The following P2RY12 variants were observed in gnomAD, a reference collection of about 807,000 sequenced individuals.
P2RY12 encodes the protein purinergic receptor P2Y12.
In P2RY12, 3 loss-of-function variants were observed where a neutral mutation model predicts 4.5. That is an observed-to-expected ratio of 0.67 (90% CI 0.31 to 1.74). P2RY12 has a LOEUF of 1.74. Ranked by LOEUF, P2RY12 falls within the 40% of genes most tolerant of loss-of-function variation. The probability of loss-of-function intolerance (pLI) is 0.09; values close to 1 mark genes in which losing one functional copy is unlikely to be tolerated. For synonymous variants in P2RY12, 148 were observed against 154.1 expected, an observed-to-expected ratio of 0.96 and a Z score of 0.29; for missense variants, 356 against 407.8, an observed-to-expected ratio of 0.87 and a Z score of 1.09.
intron 1 of P2RY12, among the ~76,000 whole-genome samples, chr3:151,342,942 A>T (rs1752056384): frequency 6.6e-6 from 1 of 152,166 alleles, no homozygotes; most frequent in African/African-American, 2.4e-5. Context: ...CATTCTCTGG[A>T]TGAGGGGAAC....
chr3:151,368,709 C>T (rs1175508416), intron 1 of P2RY12, among the ~76,000 whole-genome samples: 15 of 44,278 alleles, frequency 3.4e-4, no homozygotes, highest in South Asian at 2.2e-3. Context: ...CATTTCATTT[C>T]ATTTCATTTC....
At chr3:151,380,211 A>G in intron 1 of P2RY12, 1 of 1,599,622 alleles carries the variant, frequency 6.3e-7, no homozygotes, top group Non-Finnish European at 8.5e-7. Context: ...TCTCTCCAGA[A>G]TCAAGTTAAC....
chr3:151,337,582 T>C lies in P2RY12; in HGVS notation c.*235A>G, dbSNP rs1345331213. ...TGTAGTTTTGCATGCAGCATGACAA[T>C]TGGATGTCGTTTGTTTTGCTGCTAA... On this transcript the variant is annotated 3_prime_UTR_variant, in exon 3 of 3. Coordinates refer to ENST00000302632, the MANE Select transcript of P2RY12 (RefSeq NM_022788.5). The C allele has an allele frequency of 2.0e-6, 1 of 492,328 alleles. No homozygotes were observed. Among genetic ancestry groups the C allele is most frequent in the Non-Finnish European group, 3.6e-6 (1 of 279,640 alleles). 30.5% of individuals were successfully genotyped at this position (492,328 alleles called of 1,614,324 possible).
chr3:151,352,275 T>C lies in P2RY12; in HGVS notation c.-179-11515A>G, dbSNP rs111793641. On this transcript the variant is annotated intron_variant, in intron 1 of 2. Transcript: ENST00000302632. ...TTATGTCTGCACTCAAAGTTTCATA[T>C]TTTGGAGAATTTCAGATTTTGGATT... 1.1e-4 allele frequency among the ~76,000 whole-genome samples: 16 copies of C among 152,358 alleles called. 2 individuals are homozygous for C. Among genetic ancestry groups the C allele is most frequent in the African/African-American group, 3.8e-4 (16 of 41,582 alleles).
chr3:151,383,555 C>T (rs899501832), intron 1 of P2RY12, among the ~76,000 whole-genome samples: 3 of 152,154 alleles, frequency 2.0e-5, no homozygotes, highest in Non-Finnish European at 2.9e-5. Context: ...CAGATACTCA[C>T]GTCCCTTCTT....
chr3:151,350,256 C>G (rs1753056072), intron 1 of P2RY12: 1 of 1,582,616 alleles, frequency 6.3e-7, no homozygotes. Flanking sequence ...TTTGCCTTCC[C>G]TCTGAGCACA....
At chr3:151,365,299 C>A in intron 1 of P2RY12, 1 of 1,019,486 alleles carries the variant, frequency 9.8e-7, no homozygotes, top group Non-Finnish European at 1.5e-6. Context: ...TGTCTGGACT[C>A]ACATTTGGCT....
At chr3:151,375,949 CT>C in intron 1 of P2RY12, 1 of 626,654 alleles carries the variant, frequency 1.6e-6, no homozygotes, top group South Asian at 5.3e-5. Context: ...CAATTATGCA[CT>C]GTGGATTTAG....
chr3:151,366,939 T>A (rs894612021), intron 1 of P2RY12, among the ~76,000 whole-genome samples: 1 of 152,188 alleles, frequency 6.6e-6, no homozygotes, highest in Non-Finnish European at 1.5e-5. Context: ...GTGAACCTTA[T>A]GGTGGTGTGC....
rs1577500547 is a variant in P2RY12 at position 151,378,634 on chromosome 3, A to G, written c.-180+6058T>C. Among the ~76,000 whole-genome samples, 3 of 152,136 alleles carry G rather than the reference A, an allele frequency of 2.0e-5. No homozygotes were observed. In the South Asian group the frequency reaches 6.2e-4, roughly 31 times the overall value. ...GACTAGACATTAAGACTCCTCGGCCACCACAACTAATGTTTTCTTAATTTA... is the reference window on the plus strand; with the variant it reads ...GACTAGACATTAAGACTCCTCGGCCGCCACAACTAATGTTTTCTTAATTTA... On this transcript the variant is annotated intron_variant, in intron 1 of 2. Transcript: ENST00000302632.
At position 151,338,253 on chromosome 3, in the gene P2RY12, A is replaced by G. The variant is rs1751299273; in HGVS notation, c.593T>C (p.Phe198Ser). Residue 198 changes from phenylalanine (F) to serine (S), a missense_variant, in exon 3 of 3, where the codon TTC becomes TCC. Physicochemically the swap from Phe to Ser is radical, Grantham distance 155. Coordinates refer to ENST00000302632, the MANE Select transcript of P2RY12 (RefSeq NM_022788.5). ...EIVNYICQVI[F>S]WINFLIVIVC... ...AATAACAATTAAGAAATTAATCCAG[A>G]AAATGACTTGACAGATGTAATTTAC... 1 of 1,613,978 alleles carries G rather than the reference A, an allele frequency of 6.2e-7. No homozygotes were observed. The highest frequency in any genetic ancestry group is 1.7e-5 in the Admixed American group (1 of 59,986).
chr3:151,383,810 G>A (rs1329688975), intron 1 of P2RY12: 2 of 1,613,880 alleles, frequency 1.2e-6, no homozygotes, highest in Non-Finnish European at 1.7e-6. Flanking sequence ...GTGCAGAGGA[G>A]CACCCAGTGG....
intron 1 of P2RY12, chr3:151,357,251 C>T (rs139296837): frequency 1.2e-6 from 2 of 1,613,320 alleles, no homozygotes; most frequent in Admixed American, 1.7e-5. Flanking sequence ...CTGAACTGCT[C>T]CTAAAATCCT....
intron 1 of P2RY12, among the ~76,000 whole-genome samples, chr3:151,357,672 C>T (rs1396328874): frequency 6.6e-6 from 1 of 152,170 alleles, no homozygotes. Context: ...GGCCAGCATC[C>T]TGGCATATTA....
In P2RY12 at chr3:151,367,867, A is replaced by G. The variant is rs1335973561; in HGVS notation, c.-180+16825T>C. On this transcript the variant is annotated intron_variant, in intron 1 of 2. Transcript: ENST00000302632. ...GGGAAAGGAGTATTTGAGGGTATGT[A>G]TATTGGGAAGTGGTGTAGTATCAAG... The G allele has an allele frequency of 3.7e-6, 5 of 1,354,320 alleles. No homozygotes were observed. In the East Asian group the frequency reaches 7.0e-5, roughly 19 times the overall value. 83.9% of individuals were successfully genotyped at this position (1,354,320 alleles called of 1,614,324 possible).
chr3:151,339,854 G>A (rs2046934), intron 2 of P2RY12, among the ~76,000 whole-genome samples: 129,033 of 152,118 alleles, frequency 0.85, 54,767 homozygotes, highest in Middle Eastern at 0.95. Context: ...TTGAAATGAC[G>A]TTTGTAATCT....
intron 1 of P2RY12, among the ~76,000 whole-genome samples, chr3:151,370,960 C>G (rs543150768): frequency 6.6e-6 from 1 of 152,306 alleles, no homozygotes; most frequent in Admixed American, 6.5e-5. Context: ...AAGTCAGGAT[C>G]AGGTCAGTTT....
intron 1 of P2RY12, among the ~76,000 whole-genome samples, chr3:151,365,573 A>G (rs1755172392): frequency 1.3e-5 from 2 of 152,348 alleles, no homozygotes; most frequent in East Asian, 1.9e-4. Context: ...AAAAATGTAA[A>G]TCGTAGCTCA....
At chr3:151,372,443 T>G (rs978846138) in intron 1 of P2RY12, 1 of 679,224 alleles carries the variant, frequency 1.5e-6, no homozygotes, top group Non-Finnish European at 2.5e-6. Flanking sequence ...CCTGAACAAC[T>G]GGCTATTCAA....
Sources: allele counts gnomAD v4.1 joint callset (sites outside exome capture counted in the v4.1 genomes callset), GRCh38; gene constraint gnomAD v4.1.1; transcripts MANE v1.5; gene names NCBI Gene and HGNC (gene_info 2026-07-23, HGNC 2026-07-21).